RASA2: variants seen among roughly 807,000 people sequenced by gnomAD.
RASA2 encodes ras GTPase-activating protein 2.
A neutral mutation model predicts 118.2 loss-of-function variants in RASA2; 155 were observed. That is an observed-to-expected ratio of 1.31 (90% CI 1.15 to 1.50). The LOEUF is 1.50. RASA2 is among the 40% of genes most tolerant of loss of function. The probability of loss-of-function intolerance (pLI) is 0.00; values close to 1 mark genes in which losing one functional copy is unlikely to be tolerated. For synonymous variants in RASA2, 353 were observed against 349.1 expected (o/e 1.01, Z -0.12); for missense variants, 1,016 against 1,009.6 (o/e 1.01, Z -0.09).
chr3:141,529,289 T>C (rs533706304), intron 3 of RASA2, among the ~76,000 whole-genome samples: 1 of 152,272 alleles, frequency 6.6e-6, no homozygotes, highest in East Asian at 1.9e-4. Context: ...ATTTATAAAC[T>C]CTTACTAAAT....
In RASA2 at chr3:141,553,922, C is replaced by A; in HGVS notation, c.593C>A (p.Ser198Tyr). 2.5e-6 allele frequency: 4 copies of A among 1,611,868 alleles called. No individual in the cohort carries two copies. The highest frequency in any genetic ancestry group is 3.4e-6 in the Non-Finnish European group (4 of 1,178,746). The part of the protein sequence containing the change: ...GQSCDPYATV[S>Y]LVGPSRNDQK... ...AGCTGTGACCCTTATGCAACAGTTT[C>A]TCTAGTGGGCCCTTCTAGGTAATAT... The change falls in exon 6 of 24, where the codon TCT (serine) becomes TAT (tyrosine). Residue 198 changes from serine to tyrosine, a missense_variant. By Grantham distance (144) the Ser-to-Tyr change is moderately radical (BLOSUM62 -2). Coordinates refer to ENST00000286364, the MANE Select transcript of RASA2 (RefSeq NM_006506.5).
At chr3:141,572,979 T>C (rs1045639498) in intron 12 of RASA2, among the ~76,000 whole-genome samples, 168 bp from the exon 13 acceptor site, 5 of 152,222 alleles carry the variant, frequency 3.3e-5, no homozygotes, top group African/African-American at 1.2e-4. Context: ...AAATACTTTT[T>C]GATATCATGT....
At chr3:141,584,938 A>G (rs2083176613) in intron 17 of RASA2, among the ~76,000 whole-genome samples, 1 of 152,154 alleles carries the variant, frequency 6.6e-6, no homozygotes, top group African/African-American at 2.4e-5. Flanking sequence ...CCAAAATTCA[A>G]AATCCAGAAT....
At chr3:141,497,084 A>G (rs2081713283) in intron 1 of RASA2, among the ~76,000 whole-genome samples, 3 of 147,132 alleles carry the variant, frequency 2.0e-5, no homozygotes, top group South Asian at 4.3e-4. Flanking sequence ...CAAACACCAC[A>G]TGTTCTCACT....
chr3:141,487,167 C>G lies in RASA2; in HGVS notation c.84C>G (p.Asp28Glu). 6.8e-7 allele frequency: 1 copy of G among 1,468,638 alleles called. No homozygotes were observed. Among genetic ancestry groups the G allele is most frequent in the Non-Finnish European group, 9.1e-7 (1 of 1,101,528 alleles). The allele number at this position is 1,468,638 out of a possible 1,614,324, so 91.0% of individuals were successfully genotyped here. The change falls in exon 1 of 24, where the codon GAC becomes GAG. Residue 28 changes from aspartate (D) to glutamate (E), a missense_variant. Physicochemically the swap from Asp to Glu is conservative, Grantham distance 45. Transcript: ENST00000286364. The part of the protein sequence containing the change: ...ASATAEPEAG[D>E]QDSREVRVLQ... ...CGACTGCAGAGCCCGAGGCCGGGGA[C>G]CAGGACAGTCGCGAGGTTCGAGTGT...
At chr3:141,574,435 C>T (rs143654187) in intron 14 of RASA2, among the ~76,000 whole-genome samples, 1,994 of 152,228 alleles carry the variant, frequency 0.013, 28 homozygotes, top group Non-Finnish European at 0.019. Context: ...GTGATCCGCC[C>T]GCCTCGGCCT....
intron 16 of RASA2, 49 bp downstream of exon 16, chr3:141,580,500 A>G (rs1467278260): frequency 2.8e-5 from 40 of 1,412,066 alleles, no homozygotes; most frequent in Non-Finnish European, 3.9e-5. Flanking sequence ...AAATGTTGTT[A>G]CATCCTATGA....
chr3:141,530,795 A>G (rs975691800), intron 4 of RASA2, among the ~76,000 whole-genome samples: 1 of 152,128 alleles, frequency 6.6e-6, no homozygotes, highest in Non-Finnish European at 1.5e-5. Context: ...GCCATGTTTT[A>G]ATATTCTTGT....
intron 9 of RASA2, among the ~76,000 whole-genome samples, chr3:141,561,076 T>C (rs900457775): frequency 6.6e-6 from 1 of 152,144 alleles, no homozygotes; most frequent in African/African-American, 2.4e-5. Flanking sequence ...GTAAAATGCA[T>C]CCACAGAGGG....
chr3:141,500,293 C>G (rs1271996038), intron 1 of RASA2, among the ~76,000 whole-genome samples: 1 of 152,146 alleles, frequency 6.6e-6, no homozygotes, highest in Non-Finnish European at 1.5e-5. Flanking sequence ...AAATTTGAGA[C>G]TCTTTGGAAG....
chr3:141,586,520 A>G, intron 18 of RASA2, 126 bp from the exon 19 acceptor site: 1 of 605,444 alleles, frequency 1.7e-6, no homozygotes. Flanking sequence ...GATAGCAAAA[A>G]CATTTTTATA....
At chr3:141,520,617 A>G (rs1437230630) in intron 3 of RASA2, among the ~76,000 whole-genome samples, 1 of 151,806 alleles carries the variant, frequency 6.6e-6, no homozygotes, top group Non-Finnish European at 1.5e-5. Context: ...ATTGTATTAT[A>G]TGATATACAG....
At chr3:141,495,782 G>T (rs2151069199) in intron 1 of RASA2, among the ~76,000 whole-genome samples, 1 of 152,248 alleles carries the variant, frequency 6.6e-6, no homozygotes, top group Admixed American at 6.5e-5. Context: ...TGCCTTGTTG[G>T]TAAAACAGAA....
chr3:141,579,416 A>G (rs534598321), intron 15 of RASA2: 2 of 152,304 alleles, frequency 1.3e-5, no homozygotes, highest in Admixed American at 6.5e-5. Context: ...TTTATATGCT[A>G]CTATATATTA....
At chr3:141,513,906 A>G (rs2081988090) in intron 2 of RASA2, among the ~76,000 whole-genome samples, 1 of 152,194 alleles carries the variant, frequency 6.6e-6, no homozygotes, top group South Asian at 2.1e-4. Flanking sequence ...CTATCATTTC[A>G]GAGATTCGCG....
At chr3:141,597,678 CTT>C (rs1265359323) in intron 19 of RASA2, among the ~76,000 whole-genome samples, 3 of 151,860 alleles carry the variant, frequency 2.0e-5, no homozygotes, top group Non-Finnish European at 4.4e-5. Context: ...ATATTTTCAA[CTT>C]AAACTAGAAA....
At chr3:141,554,136 G>A (rs1018659078) in intron 6 of RASA2, among the ~76,000 whole-genome samples, 196 bp downstream of exon 6, 1 of 152,068 alleles carries the variant, frequency 6.6e-6, no homozygotes, top group African/African-American at 2.4e-5. Context: ...ACAGAAATTG[G>A]TACCCCATTT....
chr3:141,608,458 CACTA>C, intron 20 of RASA2, 27 bp from the exon 21 acceptor site: 1 of 1,601,920 alleles, frequency 6.2e-7, no homozygotes, highest in Non-Finnish European at 8.6e-7. Context: ...GGACTCTTGT[CACTA>C]ACTTTTTATC....
At chr3:141,601,559 C>T (rs184694838) in intron 19 of RASA2, among the ~76,000 whole-genome samples, 109 of 152,202 alleles carry the variant, frequency 7.2e-4, no homozygotes, top group Non-Finnish European at 1.3e-3. Context: ...AAGCACTGAA[C>T]ATTTTTCTTA....
Sources: gnomAD v4.1 joint callset for allele counts (sites outside exome capture counted in the v4.1 genomes callset) on GRCh38, gnomAD v4.1.1 for gene constraint, MANE v1.5 for transcripts, NCBI Gene and HGNC (gene_info 2026-07-23, HGNC 2026-07-21) for gene names.